Variants in LSAMP observed in about 807,000 individuals in gnomAD.
LSAMP encodes limbic system-associated membrane protein.
Under a neutral mutation model 38.6 loss-of-function variants are expected in LSAMP, and 7 were observed. The observed-to-expected ratio is 0.18, with a 90% CI of 0.10 to 0.34. LSAMP has a LOEUF of 0.34. LSAMP is among the 10% of genes least tolerant of loss of function. The pLI is 1.00. For missense variants in LSAMP, 313 were observed against 420.0 expected, an observed-to-expected ratio of 0.75 and a Z score of 2.23; for synonymous variants, 154 against 166.8, an observed-to-expected ratio of 0.92 and a Z score of 0.59.
At chr3:116,396,445 T>C (rs970491205) in intron 1 of LSAMP, among the ~76,000 whole-genome samples, 1 of 152,234 alleles carries the variant, frequency 6.6e-6, no homozygotes, top group African/African-American at 2.4e-5. Flanking sequence ...CCTGGATATC[T>C]ATCTCCCATC....
At chr3:116,004,206 G>A (rs976310234) in intron 3 of LSAMP, among the ~76,000 whole-genome samples, 5 of 152,062 alleles carry the variant, frequency 3.3e-5, no homozygotes, top group African/African-American at 1.2e-4. Context: ...GTCCCAAATG[G>A]TTTCTTTTCT....
intron 1 of LSAMP, among the ~76,000 whole-genome samples, chr3:116,406,465 C>T (rs1463319420): frequency 6.6e-6 from 1 of 151,934 alleles, no homozygotes; most frequent in Non-Finnish European, 1.5e-5. Flanking sequence ...TGGTGATTTC[C>T]CTTTTGGTTA....
At chr3:115,961,833 C>T (rs1046662342) in intron 3 of LSAMP, among the ~76,000 whole-genome samples, 5 of 152,178 alleles carry the variant, frequency 3.3e-5, no homozygotes, top group African/African-American at 1.2e-4. Context: ...CAACAATAAT[C>T]AGCATTTATA....
intron 2 of LSAMP, among the ~76,000 whole-genome samples, chr3:116,020,262 G>T (rs1940601184): frequency 6.6e-6 from 1 of 152,126 alleles, no homozygotes; most frequent in African/African-American, 2.4e-5. Context: ...CAGACAGGTA[G>T]ACATTCAAAA....
At position 116,286,444 on chromosome 3, in the gene LSAMP, T is replaced by TAACA. The variant is rs751171213; in HGVS notation, c.155+158429_155+158432dup. ...TTGACTACTCCAGATTTGTCTTTAA[T>TAACA]AACATTCCATTAAAAATGATGGAAA... On this transcript the variant is annotated intron_variant, in intron 1 of 6. Coordinates refer to ENST00000490035, the MANE Select transcript of LSAMP (RefSeq NM_002338.5). 5.3e-4 allele frequency among the ~76,000 whole-genome samples: 81 copies of TAACA among 152,160 alleles called. 1 individual carries two copies. Among genetic ancestry groups the TAACA allele is most frequent in the Non-Finnish European group, 2.2e-4 (15 of 68,014 alleles).
chr3:115,962,169 T>G (rs1017540077), intron 3 of LSAMP, among the ~76,000 whole-genome samples: 2 of 152,200 alleles, frequency 1.3e-5, no homozygotes, highest in African/African-American at 4.8e-5. Context: ...TGCAATCAAA[T>G]GGCCATTCAG....
chr3:116,268,794 T>TATTA (rs2046930810), intron 1 of LSAMP, among the ~76,000 whole-genome samples: 1 of 152,030 alleles, frequency 6.6e-6, no homozygotes, highest in South Asian at 2.1e-4. Context: ...AAAAAAATAT[T>TATTA]ATTATTCTCT....
intron 1 of LSAMP, among the ~76,000 whole-genome samples, chr3:116,248,124 G>T (rs530476909): frequency 6.6e-6 from 1 of 152,282 alleles, no homozygotes; most frequent in Admixed American, 6.5e-5. Flanking sequence ...AGATGGAGCA[G>T]ATAAATGCCC....
At chr3:116,180,787 T>C (rs2126145) in intron 1 of LSAMP, among the ~76,000 whole-genome samples, 75,945 of 151,974 alleles carry the variant, frequency 0.5, 21,481 homozygotes, top group East Asian at 0.74. Context: ...TACAAAATTT[T>C]TCTAAAGTTT....
At chr3:116,183,853 G>A (rs1710547110) in intron 1 of LSAMP, among the ~76,000 whole-genome samples, 1 of 151,798 alleles carries the variant, frequency 6.6e-6, no homozygotes, top group African/African-American at 2.4e-5. Context: ...AGAACCAGTA[G>A]GACACATCAG....
chr3:116,069,214 G>A (rs12495426), intron 2 of LSAMP, among the ~76,000 whole-genome samples: 1 of 151,896 alleles, frequency 6.6e-6, no homozygotes, highest in African/African-American at 2.4e-5. Flanking sequence ...CCCCTTCTTA[G>A]CACGTTTCAG....
chr3:115,974,586 C>T (rs1939125073), intron 3 of LSAMP, among the ~76,000 whole-genome samples: 1 of 151,992 alleles, frequency 6.6e-6, no homozygotes, highest in Non-Finnish European at 1.5e-5. Flanking sequence ...AACAATGAGA[C>T]AATGATTACA....
At chr3:115,834,219 T>G (rs902089355) in intron 6 of LSAMP, among the ~76,000 whole-genome samples, 1 of 152,148 alleles carries the variant, frequency 6.6e-6, no homozygotes, top group Admixed American at 6.5e-5. Context: ...AGAATTGGTA[T>G]TTTTGTGGCT....
At chr3:116,090,816 C>T (rs929674671) in intron 1 of LSAMP, among the ~76,000 whole-genome samples, 3 of 152,152 alleles carry the variant, frequency 2.0e-5, no homozygotes, top group African/African-American at 7.2e-5. Context: ...GGGTGACAGA[C>T]ATCAAGTACT....
At chr3:116,211,611 A>G (rs2046157577) in intron 1 of LSAMP, among the ~76,000 whole-genome samples, 2 of 152,252 alleles carry the variant, frequency 1.3e-5, no homozygotes, top group Admixed American at 6.5e-5. Context: ...GAAACCAAAA[A>G]GAGGATAAGG....
intron 1 of LSAMP, among the ~76,000 whole-genome samples, chr3:116,129,860 A>G (rs1559753810): frequency 6.6e-6 from 1 of 152,216 alleles, no homozygotes; most frequent in Non-Finnish European, 1.5e-5. Context: ...AGCCCAGTGG[A>G]AAGTAAAGCC....
intron 1 of LSAMP, among the ~76,000 whole-genome samples, chr3:116,370,536 C>G (rs2048416417): frequency 6.6e-6 from 1 of 152,118 alleles, no homozygotes; most frequent in African/African-American, 2.4e-5. Flanking sequence ...TTCACCCAAC[C>G]CCCAGTGTCT....
intron 3 of LSAMP, 82 bp downstream of exon 3, chr3:116,019,433 A>G: frequency 6.7e-7 from 1 of 1,502,718 alleles, no homozygotes; most frequent in East Asian, 2.4e-5. Context: ...ATTGAATTGA[A>G]ATTTCTGATT....
At chr3:116,356,950 C>T (rs962099151) in intron 1 of LSAMP, among the ~76,000 whole-genome samples, 3 of 152,056 alleles carry the variant, frequency 2.0e-5, no homozygotes, top group South Asian at 2.1e-4. Flanking sequence ...CCCGCCACCA[C>T]GCCTGGCTAA....
Sources: gnomAD v4.1 joint callset for allele counts (sites outside exome capture counted in the v4.1 genomes callset) on GRCh38, gnomAD v4.1.1 for gene constraint, MANE v1.5 for transcripts, NCBI Gene and HGNC (gene_info 2026-07-23, HGNC 2026-07-21) for gene names.